Variants in TBC1D2B observed in about 807,000 individuals in gnomAD.
The protein encoded by TBC1D2B is TBC1 domain family member 2B.
A neutral mutation model predicts 100.8 loss-of-function variants in TBC1D2B; 64 were observed. That is an observed-to-expected ratio of 0.64 (90% CI 0.52 to 0.78). The LOEUF is 0.78. Among genes scored for constraint, TBC1D2B ranks in the 30% least tolerant of loss-of-function variants. TBC1D2B has a pLI of 0.00. For synonymous variants in TBC1D2B, 480 were observed against 479.7 expected, an observed-to-expected ratio of 1.00 and a Z score of -0.01; for missense variants, 1,052 against 1,218.4, an observed-to-expected ratio of 0.86 and a Z score of 2.03.
chr15:78,011,174 T>C (rs907145355), intron 9 of TBC1D2B, among the ~76,000 whole-genome samples: 3 of 152,168 alleles, frequency 2.0e-5, no homozygotes, highest in East Asian at 1.9e-4. Context: ...TGAGGGCACA[T>C]AGAGAGGCTG....
intron 1 of TBC1D2B, among the ~76,000 whole-genome samples, chr15:78,074,793 T>A (rs955252312): frequency 6.6e-6 from 1 of 152,254 alleles, no homozygotes; most frequent in Admixed American, 6.5e-5. Flanking sequence ...TGTAACTTAC[T>A]TCTTGTTCAA....
intron 8 of TBC1D2B, among the ~76,000 whole-genome samples, chr15:78,015,683 C>T (rs377691087): frequency 5.9e-5 from 9 of 152,168 alleles, no homozygotes; most frequent in South Asian, 4.1e-4. Flanking sequence ...TTCCATACTC[C>T]GCTTCTTCAC....
At chr15:78,018,372 T>A (rs140565167) in intron 6 of TBC1D2B, among the ~76,000 whole-genome samples, 12 of 152,342 alleles carry the variant, frequency 7.9e-5, no homozygotes, top group Non-Finnish European at 1.3e-4. Context: ...GGTTCTCATC[T>A]TCACTTATCC....
intron 12 of TBC1D2B, among the ~76,000 whole-genome samples, chr15:77,999,569 C>T (rs1395319640): frequency 6.6e-6 from 1 of 152,188 alleles, no homozygotes; most frequent in Non-Finnish European, 1.5e-5. Context: ...GCTCTGCAGA[C>T]CAGGCTGCCA....
At chr15:78,033,256 C>T (rs2072861539) in intron 3 of TBC1D2B, among the ~76,000 whole-genome samples, 1 of 152,172 alleles carries the variant, frequency 6.6e-6, no homozygotes, top group African/African-American at 2.4e-5. Flanking sequence ...ACATGAACCA[C>T]CTTACTTATA....
chr15:78,067,031 C>T (rs1264778727), intron 1 of TBC1D2B, among the ~76,000 whole-genome samples: 1 of 152,164 alleles, frequency 6.6e-6, no homozygotes, highest in Non-Finnish European at 1.5e-5. Context: ...CCATATACAA[C>T]TACTAAAAAA....
intron 9 of TBC1D2B, among the ~76,000 whole-genome samples, chr15:78,009,818 CA>C (rs1438692570): frequency 6.6e-6 from 1 of 151,676 alleles, no homozygotes; most frequent in East Asian, 2.0e-4. Context: ...ACTAAAGATA[CA>C]AAAAAATTAG....
intron 3 of TBC1D2B, among the ~76,000 whole-genome samples, chr15:78,044,597 C>T (rs1159349862): frequency 6.6e-6 from 1 of 152,192 alleles, no homozygotes; most frequent in Non-Finnish European, 1.5e-5. Context: ...GAATTGTGAC[C>T]TCAGACACAT....
chr15:78,077,653 C>G lies in TBC1D2B; in HGVS notation c.-1G>C. 2 of 987,460 alleles carry G rather than the reference C, an allele frequency of 2.0e-6. No individual in the cohort carries two copies. The highest frequency in any genetic ancestry group is 1.8e-5 in the African/African-American group (1 of 56,950). The allele number at this position is 987,460 out of a possible 1,614,324, so 61.2% of individuals were successfully genotyped here. On this transcript the variant is annotated 5_prime_UTR_variant, in exon 1 of 13. Transcript: ENST00000300584. Reference sequence around the variant, plus strand: ...CCGCCCGGGCTCCGGCCCCCGGCATCGCTACCGCGCGCCAACCGTAGGCGC... The same window carrying G: ...CCGCCCGGGCTCCGGCCCCCGGCATGGCTACCGCGCGCCAACCGTAGGCGC...
rs78467070 is a variant in TBC1D2B at position 78,010,048 on chromosome 15, C to A, written c.2271-934G>T. On this transcript the variant is annotated intron_variant, in intron 9 of 12. Coordinates refer to ENST00000300584, the MANE Select transcript of TBC1D2B (RefSeq NM_144572.2). ...GTTCATCAAGAAGTTCCAAATAACC[C>A]TTTTATGCACAAAAATTCCAGATGT... Among the ~76,000 whole-genome samples, 1,505 of 152,038 alleles carry A rather than the reference C, an allele frequency of 9.9e-3. 34 individuals carry two copies. Among genetic ancestry groups the A allele is most frequent in the African/African-American group, 0.034 (1,426 of 41,464 alleles).
intron 6 of TBC1D2B, among the ~76,000 whole-genome samples, chr15:78,020,526 A>G (rs963903270): frequency 1.3e-5 from 2 of 152,222 alleles, no homozygotes; most frequent in Non-Finnish European, 2.9e-5. Flanking sequence ...AACCCTCACA[A>G]TACCTATGAG....
chr15:78,041,041 A>G (rs1403545091), intron 3 of TBC1D2B, among the ~76,000 whole-genome samples: 1 of 152,146 alleles, frequency 6.6e-6, no homozygotes, highest in Non-Finnish European at 1.5e-5. Flanking sequence ...TTTGTTTCTT[A>G]TTAAAAAGTG....
intron 2 of TBC1D2B, among the ~76,000 whole-genome samples, chr15:78,049,123 T>C (rs1321261038): frequency 6.6e-6 from 1 of 152,148 alleles, no homozygotes; most frequent in African/African-American, 2.4e-5. Context: ...AATAGAAATA[T>C]CTTCCAAGTG....
Position 78,077,424 on chromosome 15 carries a change from G to A in TBC1D2B, c.229C>T (p.Leu77=). 6.5e-7 allele frequency: 1 copy of A among 1,545,982 alleles called. No individual in the cohort carries two copies. ...LYYFKSPQDA[L]PLGHLDIADA... ...GCGATGTCCAAGTGGCCGAGGGGCA[G>A]CGCGTCCTGCGGACTCTTGAAATAG... The change falls in exon 1 of 13, where the codon CTG becomes TTG. Residue 77 remains leucine (L), a synonymous_variant. Transcript: ENST00000300584.
chr15:78,070,583 C>G (rs1466966517), intron 1 of TBC1D2B, among the ~76,000 whole-genome samples: 1 of 152,248 alleles, frequency 6.6e-6, no homozygotes, highest in Non-Finnish European at 1.5e-5. Context: ...CAGTGAACTA[C>G]AGCCTGCGGT....
intron 9 of TBC1D2B, among the ~76,000 whole-genome samples, chr15:78,011,418 A>G (rs1355422241): frequency 6.6e-6 from 1 of 152,098 alleles, no homozygotes; most frequent in East Asian, 1.9e-4. Flanking sequence ...CATGGCTTAC[A>G]GAATTCCTAA....
chr15:78,049,836 T>C lies in TBC1D2B; in HGVS notation c.514+4198A>G, dbSNP rs182186167. On this transcript the variant is annotated intron_variant, in intron 2 of 12. Coordinates refer to ENST00000300584, the MANE Select transcript of TBC1D2B (RefSeq NM_144572.2). ...CCCACAGTCACATTCTTTCACAACC[T>C]GACTTTCACAGACTGGTTCAGAGAG... Among the ~76,000 whole-genome samples the C allele has an allele frequency of 2.4e-4, 37 of 152,096 alleles. 1 individual carries two copies. The highest frequency in any genetic ancestry group is 2.4e-3 in the Admixed American group (37 of 15,262).
intron 2 of TBC1D2B, among the ~76,000 whole-genome samples, chr15:78,048,870 A>C (rs1051388185): frequency 6.6e-6 from 1 of 152,198 alleles, no homozygotes; most frequent in Non-Finnish European, 1.5e-5. Context: ...TCTGCAGAGC[A>C]CAGAACTGTG....
At chr15:78,061,991 A>G (rs1035725432) in intron 1 of TBC1D2B, among the ~76,000 whole-genome samples, 14 of 152,198 alleles carry the variant, frequency 9.2e-5, no homozygotes, top group Admixed American at 8.5e-4. Flanking sequence ...CTATGCAGAA[A>G]ATGAATGCCA....
Sources: allele counts gnomAD v4.1 joint callset (sites outside exome capture counted in the v4.1 genomes callset), GRCh38; gene constraint gnomAD v4.1.1; transcripts MANE v1.5; gene names NCBI Gene and HGNC (gene_info 2026-07-23, HGNC 2026-07-21).